The following REPS2 variants were observed in gnomAD, a reference collection of about 807,000 sequenced individuals.
REPS2 encodes RALBP1 associated Eps domain containing 2, also known as ralBP1-associated Eps domain-containing protein 2.
In REPS2, 23 loss-of-function variants were observed where a neutral mutation model predicts 53.6. That is an observed-to-expected ratio of 0.43 (90% CI 0.31 to 0.61). The LOEUF (loss-of-function observed/expected upper bound fraction) is 0.61. REPS2 is among the 20% of genes least tolerant of loss of function. The pLI is 0.11. For synonymous variants in REPS2, 238 were observed against 218.6 expected, an observed-to-expected ratio of 1.09 and a Z score of -0.78; for missense variants, 446 against 534.9, an observed-to-expected ratio of 0.83 and a Z score of 1.64.
rs953807079 is a variant in REPS2, at chrX:17,151,048, A to G, written c.*3567A>G. 1.8e-5 allele frequency: 2 copies of G among 112,426 alleles called. No homozygotes were observed. The highest frequency in any genetic ancestry group is 9.5e-5 in the Admixed American group (1 of 10,540). The allele number at this position is 112,426 out of a possible 1,213,427, so 9.3% of individuals were successfully genotyped here. A position where few individuals can be genotyped will look rare whatever the true frequency, so the allele number is the denominator to read the frequency against. On this transcript the variant is annotated 3_prime_UTR_variant, in exon 18 of 18. Transcript: ENST00000357277. The stretch of plus-strand genomic sequence containing the variant: ...TGAACACCTCACCTTTTATGATGCA[A>G]TAAGTTACTCTGAGTTTCTTGGCAG...
intron 1 of REPS2, among the ~76,000 whole-genome samples, chrX:16,981,328 G>A (rs758407382): frequency 8.9e-6 from 1 of 112,088 alleles, no homozygotes; most frequent in Non-Finnish European, 1.9e-5. Flanking sequence ...ATGGCTGGGA[G>A]TAGGAATGCA....
chrX:17,178,922 G>A, the REPS2 span, among the ~76,000 whole-genome samples: 1 of 110,948 alleles, frequency 9.0e-6, no homozygotes, highest in Admixed American at 9.6e-5. Context: ...GATAATCCTG[G>A]TAGGTTAATT....
chrX:17,014,507 CT>C (rs1360248669), intron 2 of REPS2, among the ~76,000 whole-genome samples: 1 of 111,556 alleles, frequency 9.0e-6, no homozygotes, highest in Non-Finnish European at 1.9e-5. Context: ...GACTAGATAG[CT>C]TTGATTACTC....
In REPS2 at chrX:16,946,971, G is replaced by A. The variant is rs942128328; in HGVS notation, c.110G>A (p.Cys37Tyr). 34 of 911,644 alleles carry A rather than the reference G, an allele frequency of 3.7e-5. No individual in the cohort carries two copies. In the Admixed American group the frequency reaches 1.9e-3, roughly 50 times the overall value. The allele number at this position is 911,644 out of a possible 1,213,427, so 75.1% of individuals were successfully genotyped here. A position where few individuals can be genotyped will look rare whatever the true frequency, so the allele number is the denominator to read the frequency against. The change falls in exon 1 of 18, where the codon TGC (cysteine) becomes TAC (tyrosine). Residue 37 changes from cysteine (C) to tyrosine (Y), a missense_variant. Cys to Tyr is a radical substitution (Grantham distance 194). Transcript: ENST00000357277. ...CTGCTGAGCGAGGGCGAGCAGCAGT[G>A]CTACTCCGAGCTCTTCGCGCGCTGT... The part of the protein sequence containing the change: ...PLLLSEGEQQ[C>Y]YSELFARCAG...
At chrX:17,191,620 G>C in the REPS2 span, among the ~76,000 whole-genome samples, 1 of 112,336 alleles carries the variant, frequency 8.9e-6, no homozygotes, top group South Asian at 3.7e-4. Context: ...ACCTGTACAT[G>C]AATTTTACAG....
At chrX:17,068,640 T>C (rs767393516) in intron 10 of REPS2, among the ~76,000 whole-genome samples, 169 bp downstream of exon 10, 7 of 112,802 alleles carry the variant, frequency 6.2e-5, no homozygotes, top group Non-Finnish European at 1.3e-4. Flanking sequence ...GTTCACAAAG[T>C]GGTAGCAAGA....
the REPS2 span, among the ~76,000 whole-genome samples, chrX:17,176,129 C>A: frequency 1.8e-5 from 2 of 111,670 alleles, no homozygotes; most frequent in African/African-American, 6.5e-5. Flanking sequence ...AGCCCATTGA[C>A]AAAATGGCTG....
At chrX:16,962,786 G>A (rs961853380) in intron 1 of REPS2, among the ~76,000 whole-genome samples, 3 of 112,115 alleles carry the variant, frequency 2.7e-5, no homozygotes, top group African/African-American at 9.7e-5. Context: ...TTAAAGTTAT[G>A]CCATAAAAAT....
intron 17 of REPS2, among the ~76,000 whole-genome samples, chrX:17,145,031 C>T (rs1488526639): frequency 8.9e-6 from 1 of 112,119 alleles, no homozygotes; most frequent in Non-Finnish European, 1.9e-5. Context: ...ACATACTCAG[C>T]AGCTGGCAGA....
intron 1 of REPS2, among the ~76,000 whole-genome samples, chrX:16,964,539 G>C (rs1252635888): frequency 9.1e-6 from 1 of 110,218 alleles, no homozygotes; most frequent in East Asian, 2.9e-4. Context: ...TCAATGAGCT[G>C]TTGGGTACAC....
the REPS2 span, among the ~76,000 whole-genome samples, chrX:17,160,637 T>C: frequency 8.9e-6 from 1 of 111,974 alleles, no homozygotes; most frequent in Non-Finnish European, 1.9e-5. Context: ...CAAGCTGATA[T>C]AAACACTTAG....
Position 17,127,646 on chromosome X carries a change from G to A in REPS2, c.1579-6178G>A, listed in dbSNP as rs111489693. ...CCCCTGCTGCCCTTCTCCAGCTTCAGCTCTCCCATTTTTCTCCTGACTCCT... is the reference window on the plus strand; with the variant it reads ...CCCCTGCTGCCCTTCTCCAGCTTCAACTCTCCCATTTTTCTCCTGACTCCT... On this transcript the variant is annotated intron_variant, in intron 14 of 17. Coordinates refer to ENST00000357277, the MANE Select transcript of REPS2 (RefSeq NM_004726.3). Among the ~76,000 whole-genome samples the A allele has an allele frequency of 5.2e-3, 576 of 111,499 alleles. 5 individuals are homozygous for A. Among genetic ancestry groups the A allele is most frequent in the African/African-American group, 0.018 (559 of 30,615 alleles).
intron 1 of REPS2, among the ~76,000 whole-genome samples, chrX:16,952,495 A>T (rs901694550): frequency 1.8e-5 from 2 of 112,156 alleles, no homozygotes; most frequent in African/African-American, 6.5e-5. Context: ...AAAAAACCCA[A>T]TAAGTGTTGT....
chrX:17,184,839 GTCTGTTC>G, the REPS2 span, among the ~76,000 whole-genome samples: 1 of 112,168 alleles, frequency 8.9e-6, no homozygotes, highest in African/African-American at 3.2e-5. Context: ...TTTGAGAAGT[GTCTGTTC>G]TCTGTTTGTT....
At chrX:16,957,030 T>C (rs1320592098) in intron 1 of REPS2, among the ~76,000 whole-genome samples, 1 of 112,450 alleles carries the variant, frequency 8.9e-6, no homozygotes, top group East Asian at 2.8e-4. Context: ...TTTGGTTCAG[T>C]CTCCTGGAGG....
chrX:16,962,723 G>T (rs1014114440), intron 1 of REPS2, among the ~76,000 whole-genome samples: 3 of 112,105 alleles, frequency 2.7e-5, no homozygotes, highest in African/African-American at 9.7e-5. Flanking sequence ...ATTGCTTACT[G>T]GTAGTAATCA....
chrX:16,973,109 G>A (rs778687175), intron 1 of REPS2, among the ~76,000 whole-genome samples: 17 of 111,509 alleles, frequency 1.5e-4, no homozygotes, highest in East Asian at 1.4e-3. Context: ...TCCTCAATTT[G>A]TATTTGTTTG....
At chrX:17,077,937 C>T (rs1203064327) in intron 13 of REPS2, among the ~76,000 whole-genome samples, 2 of 112,280 alleles carry the variant, frequency 1.8e-5, no homozygotes, top group African/African-American at 6.5e-5. Context: ...GGCAAGGGCT[C>T]CTTCAGGTGG....
At chrX:17,141,319 A>T (rs2063444008) in intron 17 of REPS2, among the ~76,000 whole-genome samples, 1 of 111,768 alleles carries the variant, frequency 8.9e-6, no homozygotes, top group Admixed American at 9.5e-5. Context: ...AGCTTCTTTC[A>T]CTAAGTATTA....
Sources: gnomAD v4.1 joint callset for allele counts (sites outside exome capture counted in the v4.1 genomes callset) on GRCh38, gnomAD v4.1.1 for gene constraint, MANE v1.5 for transcripts, NCBI Gene and HGNC (gene_info 2026-07-23, HGNC 2026-07-21) for gene names.